Variants in PTPN11 observed in about 807,000 individuals in gnomAD.
PTPN11 encodes tyrosine-protein phosphatase non-receptor type 11.
In PTPN11, 6 loss-of-function variants were observed where a neutral mutation model predicts 78.8. The observed-to-expected ratio is 0.08, with a 90% CI of 0.04 to 0.15. The LOEUF (loss-of-function observed/expected upper bound fraction) is 0.15. Among genes scored for constraint, PTPN11 ranks in the 10% least tolerant of loss-of-function variants. The pLI is 1.00. For missense variants in PTPN11, 386 were observed against 744.8 expected (o/e 0.52, Z 5.61); for synonymous variants, 221 against 263.5 (o/e 0.84, Z 1.56).
chr12:112,481,944 A>C, intron 9 of PTPN11, 130 bp from the exon 10 acceptor site: 2 of 977,648 alleles, frequency 2.0e-6, no homozygotes, highest in Non-Finnish European at 3.1e-6. Flanking sequence ...TGAAAACCTA[A>C]CAGATGCGAA....
chr12:112,503,188 A>G (rs1020145510), intron 14 of PTPN11, among the ~76,000 whole-genome samples: 1 of 152,232 alleles, frequency 6.6e-6, no homozygotes, highest in South Asian at 2.1e-4. Flanking sequence ...GAGACCATGT[A>G]TGGCATATAG....
chr12:112,480,322 G>T (rs1203378036), intron 9 of PTPN11, among the ~76,000 whole-genome samples: 1 of 151,464 alleles, frequency 6.6e-6, no homozygotes, highest in Non-Finnish European at 1.5e-5. Flanking sequence ...ATACCGGAGG[G>T]AAAGCTGAAT....
chr12:112,424,891 ATGTGTGTG>A (rs1223840459), intron 1 of PTPN11, among the ~76,000 whole-genome samples: 3 of 79,978 alleles, frequency 3.8e-5, no homozygotes, highest in Non-Finnish European at 5.5e-5. Context: ...GTGTGTGTGT[ATGTGTGTG>A]TGTGTGTGTG....
At chr12:112,450,630 C>T in intron 3 of PTPN11, 118 bp downstream of exon 3, 1 of 995,714 alleles carries the variant, frequency 1.0e-6, no homozygotes, top group East Asian at 2.5e-5. Context: ...GTTTTTTGAG[C>T]TGTAATCTTT....
intron 1 of PTPN11, among the ~76,000 whole-genome samples, chr12:112,419,385 G>A (rs2037482117): frequency 6.6e-6 from 1 of 152,180 alleles, no homozygotes; most frequent in Non-Finnish European, 1.5e-5. Flanking sequence ...GTCAGGCCCG[G>A]GGCAGGTAGA....
chr12:112,462,570 T>G (rs928954208), intron 6 of PTPN11, among the ~76,000 whole-genome samples: 1 of 152,232 alleles, frequency 6.6e-6, no homozygotes, highest in Non-Finnish European at 1.5e-5. Flanking sequence ...CCTTCTATCC[T>G]TGTCCTTTCC....
chr12:112,431,619 A>G (rs541476224), intron 1 of PTPN11, among the ~76,000 whole-genome samples: 56 of 152,258 alleles, frequency 3.7e-4, no homozygotes, highest in South Asian at 2.1e-4. Flanking sequence ...ACTGGAGGAA[A>G]TCGGAGACGT....
chr12:112,468,566 G>A (rs532952110), intron 6 of PTPN11, among the ~76,000 whole-genome samples: 2 of 152,328 alleles, frequency 1.3e-5, no homozygotes, highest in African/African-American at 2.4e-5. Flanking sequence ...ACTAGGGAAG[G>A]AGCCGGGGGA....
At chr12:112,434,565 G>A (rs1018769719) in intron 1 of PTPN11, among the ~76,000 whole-genome samples, 17 of 150,602 alleles carry the variant, frequency 1.1e-4, no homozygotes, top group African/African-American at 3.7e-4. Context: ...CCGAGATCAC[G>A]CCACTGCATT....
intron 3 of PTPN11, among the ~76,000 whole-genome samples, chr12:112,451,111 C>T (rs974890032): frequency 5.3e-5 from 8 of 152,252 alleles, no homozygotes; most frequent in East Asian, 1.9e-4. Flanking sequence ...TGATTGTATT[C>T]GTTTTGTACA....
At chr12:112,446,172 A>C in intron 1 of PTPN11, 104 bp from the exon 2 acceptor site, 1 of 1,465,184 alleles carries the variant, frequency 6.8e-7, no homozygotes, top group Non-Finnish European at 9.4e-7. Context: ...TGTATTTTCT[A>C]AAATTTTCTA....
chr12:112,473,128 CTTG>C, intron 7 of PTPN11, 88 bp downstream of exon 7: 1 of 1,074,844 alleles, frequency 9.3e-7, no homozygotes, highest in Non-Finnish European at 1.4e-6. Context: ...GTCGTGTGCT[CTTG>C]TTAGCACATC....
intron 1 of PTPN11, among the ~76,000 whole-genome samples, chr12:112,444,483 A>G (rs1415235088): frequency 6.6e-6 from 1 of 152,058 alleles, no homozygotes; most frequent in African/African-American, 2.4e-5. Flanking sequence ...CTGGGATTAC[A>G]GGCACGCGCC....
At chr12:112,472,810 A>G (rs2038439484) in intron 6 of PTPN11, 134 bp from the exon 7 acceptor site, 2 of 825,404 alleles carry the variant, frequency 2.4e-6, no homozygotes, top group Non-Finnish European at 4.2e-6. Context: ...CCAGATGAAC[A>G]TTCTTGTAGC....
chr12:112,434,526 T>G (rs1485198400), intron 1 of PTPN11, among the ~76,000 whole-genome samples: 1 of 151,308 alleles, frequency 6.6e-6, no homozygotes, highest in Admixed American at 6.6e-5. Context: ...GAGAATCACT[T>G]GAACCCAGGT....
At chr12:112,427,778 G>A (rs1043849169) in intron 1 of PTPN11, among the ~76,000 whole-genome samples, 1 of 151,472 alleles carries the variant, frequency 6.6e-6, no homozygotes, top group African/African-American at 2.4e-5. Flanking sequence ...TTGAGACAAG[G>A]TCTTGCTCTG....
intron 1 of PTPN11, among the ~76,000 whole-genome samples, chr12:112,434,928 A>C (rs186307568): frequency 1.3e-5 from 2 of 152,006 alleles, no homozygotes; most frequent in Non-Finnish European, 1.5e-5. Flanking sequence ...CTGAGACTAC[A>C]GGCACGCACC....
rs397507524 is a variant in PTPN11 at position 112,472,948 on chromosome 12, TACA to T, written c.768_770del (p.Gln257del). On this transcript the variant is annotated inframe_deletion, in exon 7 of 16. Coordinates refer to ENST00000351677, the MANE Select transcript of PTPN11 (RefSeq NM_002834.5). ...TTGACTTTTCTTTCTTTCCAGACAC[TACA>T]ACAACAGGAGTGCAAACTTCTCTAC... The T allele has an allele frequency of 3.1e-6, 5 of 1,610,112 alleles. No individual in the cohort carries two copies. The highest frequency in any genetic ancestry group is 2.7e-5 in the African/African-American group (2 of 74,922).
intron 13 of PTPN11, among the ~76,000 whole-genome samples, chr12:112,493,354 C>T (rs1467611788): frequency 2.0e-5 from 3 of 151,456 alleles, no homozygotes; most frequent in Admixed American, 6.6e-5. Flanking sequence ...CCACTGTGCC[C>T]GGCCACTCTT....
Sources: allele counts gnomAD v4.1 joint callset (sites outside exome capture counted in the v4.1 genomes callset), GRCh38; gene constraint gnomAD v4.1.1; transcripts MANE v1.5; gene names NCBI Gene and HGNC (gene_info 2026-07-23, HGNC 2026-07-21).